Variants in HELZ observed in about 807,000 individuals in gnomAD.
The protein encoded by HELZ is ATP-dependent RNA helicase with zinc finger domain.
In HELZ, 23 loss-of-function variants were observed where a neutral mutation model predicts 218.2. The ratio of observed to expected loss-of-function variants is 0.11; its 90% CI spans 0.08 to 0.15. The LOEUF is 0.15. Among genes scored for constraint, HELZ ranks in the 10% least tolerant of loss-of-function variants. The probability of loss-of-function intolerance (pLI) is 1.00; values close to 1 mark genes in which losing one functional copy is unlikely to be tolerated. For synonymous variants in HELZ, 814 were observed against 829.4 expected (o/e 0.98, Z 0.32); for missense variants, 1,813 against 2,353.7 (o/e 0.77, Z 4.75).
In HELZ at chr17:67,077,939, T is replaced by TTC; in HGVS notation, c.*312_*313insGA. 6.2e-6 allele frequency: 1 copy of TTC among 162,478 alleles called. No individual in the cohort carries two copies. The highest frequency in any genetic ancestry group is 2.4e-5 in the African/African-American group (1 of 41,788). 10.1% of individuals were successfully genotyped at this position (162,478 alleles called of 1,614,324 possible). A position where few individuals can be genotyped will look rare whatever the true frequency, so the allele number is the denominator to read the frequency against. On this transcript the variant is annotated 3_prime_UTR_variant, in exon 33 of 33. Transcript: ENST00000358691. ...ACATTTTAGACAAACTTTTCTTTTT[T>TTC]TTTTTTTTTTTATAGTTGCACAATT...
chr17:67,121,362 G>C (rs994494115), intron 26 of HELZ, among the ~76,000 whole-genome samples: 1 of 152,160 alleles, frequency 6.6e-6, no homozygotes, highest in Non-Finnish European at 1.5e-5. Flanking sequence ...AAAATCCTAA[G>C]GGACTTACTA....
chr17:67,089,887 C>T (rs911600259), intron 31 of HELZ, among the ~76,000 whole-genome samples: 2 of 151,668 alleles, frequency 1.3e-5, no homozygotes, highest in Non-Finnish European at 2.9e-5. Context: ...CATTTCTTCC[C>T]TCCCAATCCC....
At position 67,126,995 on chromosome 17, in the gene HELZ, C is replaced by A. The variant is rs540773466; in HGVS notation, c.3387+1656G>T. 1.7e-4 allele frequency among the ~76,000 whole-genome samples: 26 copies of A among 152,272 alleles called. No individual in the cohort carries two copies. The South Asian group carries it at 5.4e-3, about 32-fold the overall frequency. On this transcript the variant is annotated intron_variant, in intron 24 of 32. Coordinates refer to ENST00000358691, the MANE Select transcript of HELZ (RefSeq NM_014877.4). ...GCTTTACTCATTCATTTAAAAAATA[C>A]TTCTAAGTACCTATTATGAGCCAGA...
chr17:67,137,464 C>T (rs2038188927), intron 22 of HELZ, among the ~76,000 whole-genome samples: 1 of 152,178 alleles, frequency 6.6e-6, no homozygotes, highest in South Asian at 2.1e-4. Context: ...TTGTATTAGG[C>T]TTCAATTAGA....
intron 25 of HELZ, 28 bp from the exon 26 acceptor site, chr17:67,123,188 C>A: frequency 6.9e-7 from 1 of 1,459,154 alleles, no homozygotes; most frequent in Non-Finnish European, 9.6e-7. Flanking sequence ...AAAGGATGCA[C>A]TCAACAGCTG....
intron 5 of HELZ, among the ~76,000 whole-genome samples, chr17:67,205,835 C>G (rs1362837423): frequency 1.3e-5 from 2 of 152,156 alleles, no homozygotes; most frequent in African/African-American, 4.8e-5. Context: ...TTATGTTTCC[C>G]TTTTTTCCAT....
intron 31 of HELZ, among the ~76,000 whole-genome samples, chr17:67,092,546 A>G (rs2036602923): frequency 6.6e-6 from 1 of 152,234 alleles, no homozygotes; most frequent in South Asian, 2.1e-4. Context: ...GGAGACAGAC[A>G]AGCAAAAATC....
At chr17:67,162,376 T>A (rs956215334) in intron 15 of HELZ, among the ~76,000 whole-genome samples, 1 of 152,212 alleles carries the variant, frequency 6.6e-6, no homozygotes, top group Non-Finnish European at 1.5e-5. Context: ...TTTCTGAAAT[T>A]TGCCATTTGC....
In HELZ at chr17:67,188,445, C is replaced by T. The variant is rs960849096; in HGVS notation, c.1036G>A (p.Val346Met). ...KMAQNGLDHY[V>M]YKVGIAFNTE... ...TTAAATGCTATCCCGACTTTATACA[C>T]GTAATGATCTAATCCATTTTGGGCC... The change falls in exon 12 of 33, where the codon GTG (valine) becomes ATG (methionine). Residue 346 changes from valine (V) to methionine (M), a missense_variant. Around this residue, in one of 4 missense-constraint regions of HELZ, gnomAD observed 714 missense variants for 1,029.2 expected, o/e 0.69. Transcript: ENST00000358691. This position sits in a 1 kb window ranked among gnomAD's most constrained non-coding sequence, Gnocchi z 4.1. 3 of 1,613,920 alleles carry T rather than the reference C, an allele frequency of 1.9e-6. No homozygotes were observed. Among genetic ancestry groups the T allele is most frequent in the Non-Finnish European group, 2.5e-6 (3 of 1,179,858 alleles).
intron 3 of HELZ, among the ~76,000 whole-genome samples, chr17:67,230,960 G>C (rs1285319751): frequency 6.6e-6 from 1 of 152,120 alleles, no homozygotes; most frequent in African/African-American, 2.4e-5. Flanking sequence ...CATTTTGTAA[G>C]TAAAAAACAG....
intron 9 of HELZ, among the ~76,000 whole-genome samples, chr17:67,191,798 T>C (rs2039904111): frequency 6.6e-6 from 1 of 151,822 alleles, no homozygotes; most frequent in South Asian, 2.1e-4. Context: ...CATTAACTTT[T>C]TAAAAAAGTT....
intron 3 of HELZ, 81 bp from the exon 4 acceptor site, chr17:67,218,903 G>T: frequency 1.0e-6 from 1 of 980,302 alleles, no homozygotes; most frequent in Non-Finnish European, 1.5e-6. Context: ...ATCTCAGCTG[G>T]CTTAATTATC....
intron 28 of HELZ, among the ~76,000 whole-genome samples, chr17:67,110,177 C>T (rs1198751244): frequency 6.6e-6 from 1 of 152,082 alleles, no homozygotes; most frequent in African/African-American, 2.4e-5. Context: ...AAGCAATTCT[C>T]CTGCCTCAGT....
intron 12 of HELZ, among the ~76,000 whole-genome samples, chr17:67,180,597 G>A (rs1038915166): frequency 3.3e-5 from 5 of 152,088 alleles, no homozygotes; most frequent in African/African-American, 7.2e-5. Context: ...TACAAAAATT[G>A]CGGGGCACAA....
intron 31 of HELZ, among the ~76,000 whole-genome samples, chr17:67,100,166 A>C (rs2036881101): frequency 6.6e-6 from 1 of 152,192 alleles, no homozygotes; most frequent in Non-Finnish European, 1.5e-5. Context: ...TAAAAAAGAG[A>C]AATTGGGGGA....
Position 67,075,207 on chromosome 17 carries a change from A to C in HELZ, c.*3045T>G, listed in dbSNP as rs1415727189. 6.6e-6 allele frequency: 1 copy of C among 152,168 alleles called. No individual in the cohort carries two copies. Among genetic ancestry groups the C allele is most frequent in the Admixed American group, 6.5e-5 (1 of 15,286 alleles). The allele number at this position is 152,168 out of a possible 1,614,324, so 9.4% of individuals were successfully genotyped here. ...TCTATCATCCAAAATATCGTCTTTC[A>C]GGTTAAAAAAAAAGAAAATCTCAAG... On this transcript the variant is annotated 3_prime_UTR_variant, in exon 33 of 33. Coordinates refer to ENST00000358691, the MANE Select transcript of HELZ (RefSeq NM_014877.4).
rs1353966786 is a variant in HELZ at position 67,078,172 on chromosome 17, A to G, written c.*80T>C. The G allele has an allele frequency of 1.1e-6, 1 of 932,722 alleles. No homozygotes were observed. Among genetic ancestry groups the G allele is most frequent in the Non-Finnish European group, 1.7e-6 (1 of 590,058 alleles). The allele number at this position is 932,722 out of a possible 1,614,324, so 57.8% of individuals were successfully genotyped here. On this transcript the variant is annotated 3_prime_UTR_variant, in exon 33 of 33. Coordinates refer to ENST00000358691, the MANE Select transcript of HELZ (RefSeq NM_014877.4). ...TTAAAACAAAGGGAACTGTGCATCTATAGATGAAGTCCAACTACCTTAATT... is the reference window on the plus strand; with the variant it reads ...TTAAAACAAAGGGAACTGTGCATCTGTAGATGAAGTCCAACTACCTTAATT...
At chr17:67,105,516 T>G (rs1250132090) in intron 31 of HELZ, among the ~76,000 whole-genome samples, 1 of 152,226 alleles carries the variant, frequency 6.6e-6, no homozygotes, top group African/African-American at 2.4e-5. Flanking sequence ...GATGAAATGT[T>G]CTGGAATTAG....
intron 12 of HELZ, among the ~76,000 whole-genome samples, chr17:67,184,622 GAC>G: frequency 6.6e-6 from 1 of 152,066 alleles, no homozygotes; most frequent in East Asian, 1.9e-4. Context: ...AACACAGAGA[GAC>G]CTTGTCTCTA....
Sources: gnomAD v4.1 joint callset for allele counts (sites outside exome capture counted in the v4.1 genomes callset) on GRCh38, gnomAD v4.1.1 for gene constraint, gnomAD v4.1.1 regional missense constraint, Gnocchi (gnomAD v3.1) non-coding constraint, MANE v1.5 for transcripts, NCBI Gene and HGNC (gene_info 2026-07-23, HGNC 2026-07-21) for gene names.